Variants in RABGAP1 observed in about 807,000 individuals in gnomAD.
The protein encoded by RABGAP1 is RAB GTPase activating protein 1, also known as rab GTPase-activating protein 1.
RABGAP1 carries 23 observed loss-of-function variants against 137.6 expected under a neutral mutation model. The ratio of observed to expected loss-of-function variants is 0.17; its 90% CI spans 0.12 to 0.24. RABGAP1 has a LOEUF of 0.24. RABGAP1 is among the 10% of genes least tolerant of loss of function. The pLI, the probability that RABGAP1 is intolerant of heterozygous loss-of-function variation, is 1.00. For synonymous variants in RABGAP1, 451 were observed against 450.7 expected, an observed-to-expected ratio of 1.00 and a Z score of -0.01; for missense variants, 906 against 1,275.8, an observed-to-expected ratio of 0.71 and a Z score of 4.42.
intron 13 of RABGAP1, among the ~76,000 whole-genome samples, chr9:123,051,493 C>T (rs1029851879): frequency 4.0e-5 from 6 of 150,776 alleles, no homozygotes; most frequent in Non-Finnish European, 7.4e-5. Flanking sequence ...GTGATCTGCC[C>T]GCCTCGACCT....
At chr9:123,097,651 C>A in intron 21 of RABGAP1, 90 bp from the exon 22 acceptor site, 3 of 1,082,602 alleles carry the variant, frequency 2.8e-6, no homozygotes, top group Non-Finnish European at 4.1e-6. Context: ...AGAGTTTCCC[C>A]ATCATCTTAA....
At chr9:123,077,164 GT>G (rs57474987) in intron 19 of RABGAP1, among the ~76,000 whole-genome samples, 83,595 of 124,308 alleles carry the variant, frequency 0.67, 29,792 homozygotes, top group Non-Finnish European at 0.81. Flanking sequence ...TTTTGTTTTT[GT>G]TTTTTTTTTT....
At position 123,090,398 on chromosome 9, in the gene RABGAP1, G is replaced by A. The variant is rs757639020; in HGVS notation, c.2628+13G>A. The A allele has an allele frequency of 6.4e-7, 1 of 1,573,036 alleles. No individual in the cohort carries two copies. Among genetic ancestry groups the A allele is most frequent in the Non-Finnish European group, 8.7e-7 (1 of 1,148,984 alleles). On this transcript the variant is annotated intron_variant, in intron 21 of 25. Coordinates refer to ENST00000373647, the MANE Select transcript of RABGAP1 (RefSeq NM_012197.4). ...GGACCTGGATAACGTAAGTCCAACG[G>A]GTCTGAAGGGAAAGATCTCACTGAG...
the RABGAP1 span, among the ~76,000 whole-genome samples, chr9:122,934,072 TTTTCTTTTC>T: frequency 3.5e-3 from 537 of 151,388 alleles, 4 homozygotes; most frequent in African/African-American, 0.012. Flanking sequence ...TAACCTTTTC[TTTTCTTTTC>T]TTTTTTTTTT....
intron 2 of RABGAP1, among the ~76,000 whole-genome samples, chr9:122,967,583 T>G (rs1026565522): frequency 6.6e-6 from 1 of 152,210 alleles, no homozygotes; most frequent in Middle Eastern, 3.2e-3. Context: ...TCCTTTTGGA[T>G]TTCCTCCATT....
At chr9:123,031,990 A>G (rs759118655) in intron 13 of RABGAP1, among the ~76,000 whole-genome samples, 3 of 152,250 alleles carry the variant, frequency 2.0e-5, no homozygotes, top group Admixed American at 6.5e-5. Context: ...TTGTATATGC[A>G]TAGCCTCAAT....
chr9:123,020,043 T>TG (rs372155650), intron 12 of RABGAP1, among the ~76,000 whole-genome samples: 3,396 of 147,596 alleles, frequency 0.023, 56 homozygotes, highest in Middle Eastern at 0.038. Context: ...TTTTGCTTTT[T>TG]TTTTTTTTTT....
At chr9:123,042,230 A>G (rs1028426959) in intron 13 of RABGAP1, among the ~76,000 whole-genome samples, 5 of 152,220 alleles carry the variant, frequency 3.3e-5, no homozygotes, top group African/African-American at 1.2e-4. Context: ...CAAAATAGCC[A>G]CATTCCCTGC....
intron 19 of RABGAP1, among the ~76,000 whole-genome samples, chr9:123,083,317 C>G (rs1697031576): frequency 6.6e-6 from 1 of 152,232 alleles, no homozygotes; most frequent in African/African-American, 2.4e-5. Context: ...TCTCTATACA[C>G]TACACAAAGT....
At chr9:123,027,179 C>T (rs563145952) in intron 13 of RABGAP1, among the ~76,000 whole-genome samples, 74 of 149,936 alleles carry the variant, frequency 4.9e-4, no homozygotes, top group African/African-American at 1.8e-3. Flanking sequence ...TGCAGTGGCA[C>T]GATCTTGGCT....
At position 122,957,919 on chromosome 9, in the gene RABGAP1, T is replaced by G. The variant is rs575771312; in HGVS notation, c.150+710T>G. ...TTTTTTAAGAATGAATCATCCATTTTATTTTATTTTGTCATGTGCTCAACA... is the reference window on the plus strand; with the variant it reads ...TTTTTTAAGAATGAATCATCCATTTGATTTTATTTTGTCATGTGCTCAACA... On this transcript the variant is annotated intron_variant, in intron 2 of 25. Transcript: ENST00000373647. 7.0e-4 allele frequency among the ~76,000 whole-genome samples: 106 copies of G among 152,016 alleles called. 1 individual carries two copies. Among genetic ancestry groups the G allele is most frequent in the Non-Finnish European group, 1.4e-3 (97 of 68,014 alleles).
At chr9:123,004,362 G>A (rs1704899170) in intron 10 of RABGAP1, among the ~76,000 whole-genome samples, 1 of 151,742 alleles carries the variant, frequency 6.6e-6, no homozygotes, top group Non-Finnish European at 1.5e-5. Flanking sequence ...AGCACGGCTC[G>A]CTACAGCCTT....
At chr9:122,991,766 C>T (rs1199453152) in intron 6 of RABGAP1, among the ~76,000 whole-genome samples, 1 of 151,954 alleles carries the variant, frequency 6.6e-6, no homozygotes, top group African/African-American at 2.4e-5. Flanking sequence ...CTATGTCTGG[C>T]TAATTTTTTT....
At chr9:122,933,420 T>C in the RABGAP1 span, among the ~76,000 whole-genome samples, 56 of 149,344 alleles carry the variant, frequency 3.7e-4, no homozygotes, top group East Asian at 9.7e-3. Context: ...ACTATTTGCA[T>C]GTTATATCTT....
chr9:122,989,314 C>T lies in RABGAP1; in HGVS notation c.608C>T (p.Thr203Ile). 2 of 1,613,354 alleles carry T rather than the reference C, an allele frequency of 1.2e-6. No individual in the cohort carries two copies. The highest frequency in any genetic ancestry group is 1.7e-6 in the Non-Finnish European group (2 of 1,179,444). The stretch of plus-strand genomic sequence containing the variant: ...CTGAACAGACTCTTAGATCCTCAGA[C>T]AAACACTGAAATAGCAAACTACCCT... ...EGIVRLLDPQ[T>I]NTEIANYPIY... The change falls in exon 5 of 26, where the codon ACA (threonine) becomes ATA (isoleucine). Residue 203 changes from threonine to isoleucine, a missense_variant. Thr to Ile is a moderately conservative substitution (Grantham distance 89). Transcript: ENST00000373647.
intron 1 of RABGAP1, among the ~76,000 whole-genome samples, chr9:122,941,803 A>G (rs1833585529): frequency 6.6e-6 from 1 of 152,258 alleles, no homozygotes; most frequent in Non-Finnish European, 1.5e-5. Context: ...ATTGCCTGGT[A>G]GTACTTTGGT....
At chr9:122,938,947 T>A (rs187351784), upstream of RABGAP1, 5 of 151,998 alleles carry the variant, frequency 3.3e-5, no homozygotes, top group Admixed American at 3.3e-4. Context: ...ATCTTTTAAT[T>A]TTTTTTTAAG....
chr9:123,078,768 AC>A (rs906126037), intron 19 of RABGAP1, among the ~76,000 whole-genome samples: 1 of 151,948 alleles, frequency 6.6e-6, no homozygotes, highest in African/African-American at 2.4e-5. Flanking sequence ...TCTCTTTCTC[AC>A]ACTCCACATC....
intron 6 of RABGAP1, chr9:122,990,864 A>C (rs540574598): frequency 8.1e-6 from 1 of 123,828 alleles, no homozygotes; most frequent in African/African-American, 3.1e-5. Flanking sequence ...CTGGATTTGT[A>C]GCTATATTTG....
Sources: gnomAD v4.1 joint callset for allele counts (sites outside exome capture counted in the v4.1 genomes callset) on GRCh38, gnomAD v4.1.1 for gene constraint, MANE v1.5 for transcripts, NCBI Gene and HGNC (gene_info 2026-07-23, HGNC 2026-07-21) for gene names.